Variants in VEGFD observed in about 807,000 individuals in gnomAD.
VEGFD encodes c-fos induced growth factor (vascular endothelial growth factor D).
Under a neutral mutation model 28.0 loss-of-function variants are expected in VEGFD, and 26 were observed. The observed-to-expected ratio is 0.93, with a 90% CI of 0.68 to 1.29. The LOEUF is 1.29. Ranked by LOEUF, VEGFD falls within the 50% of genes most tolerant of loss-of-function variation. The pLI, the probability that VEGFD is intolerant of heterozygous loss-of-function variation, is 0.00. For missense variants in VEGFD, 294 were observed against 273.4 expected (o/e 1.08, Z -0.53); for synonymous variants, 93 against 95.5 (o/e 0.97, Z 0.15).
chrX:15,371,305 T>A (rs751220675), intron 1 of VEGFD, among the ~76,000 whole-genome samples: 2 of 112,396 alleles, frequency 1.8e-5, no homozygotes, highest in South Asian at 3.7e-4. Flanking sequence ...CATCAACATT[T>A]GTAAAATTAA....
intron 5 of VEGFD, 24 bp downstream of exon 5, chrX:15,353,044 T>A: frequency 1.0e-6 from 1 of 966,491 alleles, no homozygotes; most frequent in Non-Finnish European, 1.4e-6. Context: ...ATTACTGTTA[T>A]TATTTTACTA....
At chrX:15,376,782 C>T (rs1171381873) in intron 1 of VEGFD, among the ~76,000 whole-genome samples, 2 of 111,857 alleles carry the variant, frequency 1.8e-5, no homozygotes, top group Non-Finnish European at 3.8e-5. Context: ...GTTGTTTTCA[C>T]TTTTTCATTC....
chrX:15,350,917 G>T (rs761931188), intron 5 of VEGFD, among the ~76,000 whole-genome samples: 1 of 102,012 alleles, frequency 9.8e-6, no homozygotes, highest in Non-Finnish European at 2.0e-5. Context: ...GCCCGAGTGC[G>T]GTGGCATGAC....
chrX:15,361,996 G>C lies in VEGFD; in HGVS notation c.301+1113C>G, dbSNP rs1040796850. ...TGATTCTCCTGCCTCAGCCTCCCAA[G>C]TAGTTGGGATTACAGGCATGCACCG... is the stretch of plus-strand genomic sequence containing the variant. On this transcript the variant is annotated intron_variant, in intron 2 of 6. Coordinates refer to ENST00000297904, the MANE Select transcript of VEGFD (RefSeq NM_004469.5). 7.2e-5 allele frequency among the ~76,000 whole-genome samples: 8 copies of C among 111,352 alleles called. No individual in the cohort carries two copies. The East Asian group carries it at 2.3e-3, about 31-fold the overall frequency.
In VEGFD at chrX:15,363,203, C is replaced by T; in HGVS notation, c.207G>A (p.Leu69=). The T allele has an allele frequency of 3.3e-6, 4 of 1,211,404 alleles. No individual in the cohort carries two copies. The highest frequency in any genetic ancestry group is 4.5e-6 in the Non-Finnish European group (4 of 895,217). ...CCATACTGGTAAAACTTTTGAGCCT[C>T]AGCCTGCATCTCCACAGCTTCCAGT... ...SEDWKLWRCR[L]RLKSFTSMDS... The change falls in exon 2 of 7, where the codon CTG becomes CTA. Residue 69 remains leucine, a synonymous_variant. Coordinates refer to ENST00000297904, the MANE Select transcript of VEGFD (RefSeq NM_004469.5).
Position 15,363,192 on chromosome X carries a change from C to T in VEGFD, c.218G>A (p.Ser73Asn), listed in dbSNP as rs765563119. 2.5e-5 allele frequency: 30 copies of T among 1,211,494 alleles called. No individual in the cohort carries two copies. The highest frequency in any genetic ancestry group is 3.1e-5 in the Non-Finnish European group (28 of 895,354). The change falls in exon 2 of 7, where the codon AGT becomes AAT. Residue 73 changes from serine (S) to asparagine (N), a missense_variant. Ser to Asn is a conservative substitution (Grantham distance 46). Transcript: ENST00000297904. ...TGAGCGAGAGTCCATACTGGTAAAA[C>T]TTTTGAGCCTCAGCCTGCATCTCCA... is the stretch of plus-strand genomic sequence containing the variant. ...KLWRCRLRLK[S>N]FTSMDSRSAS...
intron 2 of VEGFD, 40 bp from the exon 3 acceptor site, chrX:15,358,233 A>T (rs888086107): frequency 8.9e-7 from 1 of 1,127,740 alleles, no homozygotes; most frequent in African/African-American, 1.8e-5. Flanking sequence ...TAGCAGGTGG[A>T]ATGGTCCTGG....
At chrX:15,375,955 GA>G (rs1369061062) in intron 1 of VEGFD, among the ~76,000 whole-genome samples, 4 of 111,202 alleles carry the variant, frequency 3.6e-5, no homozygotes, top group Non-Finnish European at 7.5e-5. Flanking sequence ...CTGTGCTTAG[GA>G]TATGTGGGGG....
intron 1 of VEGFD, among the ~76,000 whole-genome samples, chrX:15,378,216 G>C (rs944560019): frequency 1.8e-5 from 2 of 111,928 alleles, no homozygotes; most frequent in Non-Finnish European, 3.8e-5. Flanking sequence ...CTCCTAAAAG[G>C]GAACGCCTTA....
intron 1 of VEGFD, among the ~76,000 whole-genome samples, chrX:15,364,927 A>C (rs1367127602): frequency 8.9e-6 from 1 of 112,186 alleles, no homozygotes; most frequent in Non-Finnish European, 1.9e-5. Flanking sequence ...TTTTTTAGAC[A>C]TGCTAGTGGA....
intron 5 of VEGFD, among the ~76,000 whole-genome samples, chrX:15,351,027 ATTTTTTTTTTTTTTTTTTTT>A (rs35997805): frequency 1.1e-3 from 16 of 14,756 alleles, no homozygotes; most frequent in South Asian, 5.6e-3. Context: ...ATGCCCAGCT[ATTTTTTTTTTTTTTTTTTTT>A]TTTTTTTTTT....
intron 1 of VEGFD, among the ~76,000 whole-genome samples, chrX:15,373,048 C>T (rs776915739): frequency 3.5e-4 from 39 of 111,744 alleles, no homozygotes; most frequent in Non-Finnish European, 6.2e-4. Flanking sequence ...AAAAGCCAAA[C>T]CAACCAATTT....
At chrX:15,367,994 G>GAAAGAAAGAAAGAAAGA (rs1923194876) in intron 1 of VEGFD, among the ~76,000 whole-genome samples, 2 of 76,727 alleles carry the variant, frequency 2.6e-5, no homozygotes, top group African/African-American at 1.0e-4. Flanking sequence ...GAAAAAGAAA[G>GAAAGAAAGAAAGAAAGA]AAAGAAAGAA....
At chrX:15,349,461 G>A (rs905421151) in intron 5 of VEGFD, among the ~76,000 whole-genome samples, 1 of 112,085 alleles carries the variant, frequency 8.9e-6, no homozygotes, top group Non-Finnish European at 1.9e-5. Flanking sequence ...ATTGATTTCC[G>A]TCCCTAGAGA....
At chrX:15,370,355 GTA>G (rs1407194782) in intron 1 of VEGFD, among the ~76,000 whole-genome samples, 1 of 112,145 alleles carries the variant, frequency 8.9e-6, no homozygotes, top group African/African-American at 3.2e-5. Context: ...GATTATTCGT[GTA>G]TTCAAAACTA....
intron 1 of VEGFD, among the ~76,000 whole-genome samples, chrX:15,383,613 T>C (rs1371539616): frequency 8.9e-6 from 1 of 112,029 alleles, no homozygotes; most frequent in Admixed American, 9.5e-5. Context: ...AGACTGCTCA[T>C]GTTCTACCAT....
chrX:15,366,779 C>T (rs1349771451), intron 1 of VEGFD, among the ~76,000 whole-genome samples: 3 of 112,028 alleles, frequency 2.7e-5, no homozygotes, highest in Non-Finnish European at 5.6e-5. Flanking sequence ...CTAAAAGAGC[C>T]GATTTCCAAC....
At chrX:15,357,353 G>A (rs1041499176) in intron 3 of VEGFD, among the ~76,000 whole-genome samples, 1 of 111,026 alleles carries the variant, frequency 9.0e-6, no homozygotes, top group African/African-American at 3.3e-5. Flanking sequence ...TGCCCTCCAT[G>A]GGCTACATCT....
intron 1 of VEGFD, among the ~76,000 whole-genome samples, chrX:15,382,042 C>T (rs750543169): frequency 3.6e-5 from 4 of 111,800 alleles, no homozygotes; most frequent in South Asian, 3.7e-4. Context: ...CAGTGCCAGC[C>T]GGGCGCGGTG....
Sources: gnomAD v4.1 joint callset for allele counts (sites outside exome capture counted in the v4.1 genomes callset) on GRCh38, gnomAD v4.1.1 for gene constraint, MANE v1.5 for transcripts, NCBI Gene and HGNC (gene_info 2026-07-23, HGNC 2026-07-21) for gene names.